SPMAP2: variants seen among roughly 807,000 people sequenced by gnomAD.
SPMAP2 encodes sperm microtubule associated protein 2, also known as Theg homolog.
At chr19:367,666 G>C in the SPMAP2 span, among the ~76,000 whole-genome samples, 1 of 152,198 alleles carries the variant, frequency 6.6e-6, no homozygotes, top group Non-Finnish European at 1.5e-5. Context: ...CGTCCACTAG[G>C]TTCAGCTGAA....
At chr19:372,055 G>A in the SPMAP2 span, among the ~76,000 whole-genome samples, 1 of 152,230 alleles carries the variant, frequency 6.6e-6, no homozygotes, top group Admixed American at 6.5e-5. Flanking sequence ...GTTAAAAAGT[G>A]CACAGAGGCG....
chr19:363,789 C>A, the SPMAP2 span, among the ~76,000 whole-genome samples: 1 of 151,956 alleles, frequency 6.6e-6, no homozygotes, highest in Non-Finnish European at 1.5e-5. Flanking sequence ...CCCGCCTCGG[C>A]CTCCCAAAGT....
At chr19:366,779 A>C in the SPMAP2 span, among the ~76,000 whole-genome samples, 1 of 152,210 alleles carries the variant, frequency 6.6e-6, no homozygotes, top group African/African-American at 2.4e-5. Flanking sequence ...TTGTTTTAAA[A>C]GACAGGAATG....
chr19:375,802 G>A, the SPMAP2 span: 3 of 1,610,030 alleles, frequency 1.9e-6, no homozygotes, highest in South Asian at 1.1e-5. Flanking sequence ...GGGTCTTCTG[G>A]TCCCAGCTCT....
chr19:365,570 CCCA>C, the SPMAP2 span, among the ~76,000 whole-genome samples: 8 of 80,102 alleles, frequency 1.0e-4, no homozygotes, highest in South Asian at 3.8e-4. Flanking sequence ...CGCTCTTACC[CCCA>C]CCACACAGCA....
the SPMAP2 span, among the ~76,000 whole-genome samples, chr19:364,911 G>A: frequency 6.6e-6 from 1 of 152,126 alleles, no homozygotes; most frequent in Non-Finnish European, 1.5e-5. Flanking sequence ...TTTGATTTCT[G>A]GGAAAGCTCC....
the SPMAP2 span, among the ~76,000 whole-genome samples, chr19:375,495 C>T: frequency 6.6e-6 from 1 of 152,188 alleles, no homozygotes; most frequent in Non-Finnish European, 1.5e-5. Flanking sequence ...ACCGACCAAG[C>T]CCACACCTAG....
At chr19:368,725 C>CA in the SPMAP2 span, among the ~76,000 whole-genome samples, 2 of 152,322 alleles carry the variant, frequency 1.3e-5, no homozygotes, top group Admixed American at 1.3e-4. This position sits in a 1 kb window ranked among gnomAD's most constrained non-coding sequence, Gnocchi z 4.1. Flanking sequence ...ATAAAAATCA[C>CA]AGACACATCT....
chr19:369,337 C>T, the SPMAP2 span, among the ~76,000 whole-genome samples: 1 of 152,082 alleles, frequency 6.6e-6, no homozygotes, highest in African/African-American at 2.4e-5. Flanking sequence ...AGCCTGAGCT[C>T]AATCCCCGCC....
chr19:374,465 C>T, the SPMAP2 span: 7 of 1,612,682 alleles, frequency 4.3e-6, no homozygotes, highest in Non-Finnish European at 5.9e-6. Flanking sequence ...CTTTCCCGCC[C>T]CGATGCGTTT....
chr19:364,149 C>A, the SPMAP2 span, among the ~76,000 whole-genome samples: 334 of 148,298 alleles, frequency 2.3e-3, 2 homozygotes, highest in Admixed American at 5.5e-3. Context: ...CTGGCTCACA[C>A]GGTGAAATCC....
chr19:372,613 C>T, the SPMAP2 span: 1 of 1,613,528 alleles, frequency 6.2e-7, no homozygotes. Flanking sequence ...AGTAGCCACC[C>T]AGCCCTCCTT....
At chr19:375,678 T>G in the SPMAP2 span, 9 of 1,584,368 alleles carry the variant, frequency 5.7e-6, no homozygotes, top group African/African-American at 1.2e-4. Flanking sequence ...TTCAGGAATG[T>G]CCTCTTCCAA....
the SPMAP2 span, chr19:375,839 G>C: frequency 1.2e-5 from 20 of 1,603,892 alleles, no homozygotes; most frequent in Admixed American, 3.4e-4. Context: ...GGCGTTCGGG[G>C]TCTGTGACCC....
At chr19:373,917 GGCGGAGACAGCCCTGGACTTACCA>G in the SPMAP2 span, 1 of 1,609,954 alleles carries the variant, frequency 6.2e-7, no homozygotes, top group Non-Finnish European at 8.5e-7. Flanking sequence ...ATAGGCACAC[GGCGGAGACAGCCCTGGACTTACCA>G]GCAGAGACAG....
chr19:369,922 T>C, the SPMAP2 span, among the ~76,000 whole-genome samples: 1 of 152,232 alleles, frequency 6.6e-6, no homozygotes, highest in Non-Finnish European at 1.5e-5. Context: ...CTTCAGTTAC[T>C]TCAGGCCATC....
At chr19:365,605 ACT>A in the SPMAP2 span, among the ~76,000 whole-genome samples, 2 of 74,602 alleles carry the variant, frequency 2.7e-5, no homozygotes, top group African/African-American at 9.6e-5. Flanking sequence ...ATACAGCCAC[ACT>A]CTTACCCCCA....
At chr19:364,210 G>GGGCA in the SPMAP2 span, among the ~76,000 whole-genome samples, 1 of 150,208 alleles carries the variant, frequency 6.7e-6, no homozygotes, top group East Asian at 2.0e-4. Context: ...GGTGGCGGCT[G>GGGCA]CCTGTAGTCC....
chr19:367,420 C>T, the SPMAP2 span, among the ~76,000 whole-genome samples: 64 of 152,232 alleles, frequency 4.2e-4, 1 homozygote, highest in South Asian at 0.013. Flanking sequence ...CAAAAAAACC[C>T]CAAAAGGGCT....
Sources: gnomAD v4.1 joint callset for allele counts (sites outside exome capture counted in the v4.1 genomes callset) on GRCh38, gnomAD v4.1.1 for gene constraint, Gnocchi (gnomAD v3.1) non-coding constraint, MANE v1.5 for transcripts, NCBI Gene and HGNC (gene_info 2026-07-23, HGNC 2026-07-21) for gene names.